The following CDH7 variants were observed in gnomAD, a reference collection of about 807,000 sequenced individuals.
The protein encoded by CDH7 is cadherin 7, also known as cadherin-7.
CDH7 carries 25 observed loss-of-function variants against 71.8 expected under a neutral mutation model. That is an observed-to-expected ratio of 0.35 (90% CI 0.25 to 0.49). CDH7 has a LOEUF of 0.49. CDH7 is among the 20% of genes least tolerant of loss of function. The pLI, the probability that CDH7 is intolerant of heterozygous loss-of-function variation, is 0.99. For missense variants in CDH7, 862 were observed against 974.6 expected, an observed-to-expected ratio of 0.88 and a Z score of 1.54; for synonymous variants, 381 against 363.8, an observed-to-expected ratio of 1.05 and a Z score of -0.54.
intron 3 of CDH7, among the ~76,000 whole-genome samples, chr18:65,812,612 T>TA (rs1329962288): frequency 1.3e-5 from 2 of 152,232 alleles, no homozygotes; most frequent in East Asian, 3.9e-4. Context: ...TTAAACACAC[T>TA]AGTAAGCCTT....
chr18:65,853,922 T>TATATATATATATATCC (rs1555689485), intron 7 of CDH7, among the ~76,000 whole-genome samples: 40 of 75,794 alleles, frequency 5.3e-4, no homozygotes, highest in African/African-American at 2.4e-3. Context: ...TATATATATA[T>TATATATATATATATCC]ATATATATAT....
At chr18:65,774,767 C>G (rs1568177723) in intron 2 of CDH7, among the ~76,000 whole-genome samples, 1 of 152,202 alleles carries the variant, frequency 6.6e-6, no homozygotes, top group Non-Finnish European at 1.5e-5. Context: ...GTTATACCCC[C>G]CTGATGATGC....
chr18:65,769,743 T>G (rs980086763), intron 2 of CDH7, among the ~76,000 whole-genome samples: 1 of 152,178 alleles, frequency 6.6e-6, no homozygotes, highest in African/African-American at 2.4e-5. Flanking sequence ...GGGTAGAACA[T>G]TTTATAATAT....
At position 65,843,733 on chromosome 18, in the gene CDH7, T is replaced by C. The variant is rs935972689; in HGVS notation, c.982-79T>C. On this transcript the variant is annotated intron_variant, in intron 6 of 11. Coordinates refer to ENST00000397968, the MANE Select transcript of CDH7 (RefSeq NM_004361.5). ...ATGACAGAGTCCTTCCTAAGCTTAT[T>C]GACATTCATAAATGAAAAGGCTCTG... The C allele has an allele frequency of 5.4e-6, 7 of 1,307,238 alleles. No individual in the cohort carries two copies. In the South Asian group the frequency reaches 8.5e-5, roughly 16 times the overall value. The allele number at this position is 1,307,238 out of a possible 1,614,324, so 81.0% of individuals were successfully genotyped here.
chr18:65,782,163 T>TC (rs1910326924), intron 2 of CDH7, among the ~76,000 whole-genome samples: 1 of 115,966 alleles, frequency 8.6e-6, no homozygotes, highest in African/African-American at 4.6e-5. Context: ...TCTTTCTTTC[T>TC]TCCTTTCTTT....
At chr18:65,756,087 G>A (rs539606149) in intron 1 of CDH7, among the ~76,000 whole-genome samples, 4 of 152,296 alleles carry the variant, frequency 2.6e-5, no homozygotes, top group African/African-American at 9.6e-5. Flanking sequence ...GTGGAATGGT[G>A]TCATTTCCAC....
intron 2 of CDH7, among the ~76,000 whole-genome samples, chr18:65,783,921 G>C (rs1486182949): frequency 6.6e-6 from 1 of 151,782 alleles, no homozygotes; most frequent in African/African-American, 2.4e-5. Context: ...AGAAATAAAG[G>C]CTGTCAATGG....
At chr18:65,858,450 A>G (rs1220935266) in intron 8 of CDH7, among the ~76,000 whole-genome samples, 2 of 152,048 alleles carry the variant, frequency 1.3e-5, no homozygotes, top group African/African-American at 4.8e-5. Context: ...ATGCATTTAT[A>G]ATACATGTGT....
At chr18:65,849,556 G>A (rs1913072853) in intron 7 of CDH7, among the ~76,000 whole-genome samples, 1 of 151,376 alleles carries the variant, frequency 6.6e-6, no homozygotes. Context: ...GGCATTACAG[G>A]CATCCGCCAC....
Position 65,859,634 on chromosome 18 carries a change from T to A in CDH7, c.1495-74T>A, listed in dbSNP as rs182667901. On this transcript the variant is annotated intron_variant, in intron 9 of 11. Coordinates refer to ENST00000397968, the MANE Select transcript of CDH7 (RefSeq NM_004361.5). ...ATGGTATTTATTATAAAGTGTAAAATTGCTTTGTCCTGCCACAGAAAACTA... is the reference window on the plus strand; with the variant it reads ...ATGGTATTTATTATAAAGTGTAAAAATGCTTTGTCCTGCCACAGAAAACTA... 30 of 848,000 alleles carry A rather than the reference T, an allele frequency of 3.5e-5. No homozygotes were observed. The African/African-American group carries it at 4.2e-4, about 12-fold the overall frequency. The allele number at this position is 848,000 out of a possible 1,614,324, so 52.5% of individuals were successfully genotyped here. A position where few individuals can be genotyped will look rare whatever the true frequency, so the allele number is the denominator to read the frequency against.
intron 5 of CDH7, 112 bp downstream of exon 5, chr18:65,822,360 C>A (rs1020439014): frequency 1.5e-4 from 120 of 777,928 alleles, no homozygotes; most frequent in Middle Eastern, 1.0e-3. Context: ...AATTGTCTTA[C>A]TTCATTCTCT....
Position 65,883,079 on chromosome 18 carries a change from A to G in CDH7, c.*2185A>G, listed in dbSNP as rs1047655671. 3 of 152,024 alleles carry G rather than the reference A, an allele frequency of 2.0e-5. No homozygotes were observed. Among genetic ancestry groups the G allele is most frequent in the Non-Finnish European group, 2.9e-5 (2 of 67,950 alleles). 9.4% of individuals were successfully genotyped at this position (152,024 alleles called of 1,614,324 possible). On this transcript the variant is annotated 3_prime_UTR_variant, in exon 12 of 12. Coordinates refer to ENST00000397968, the MANE Select transcript of CDH7 (RefSeq NM_004361.5). ...TTTAAAATGTGTGTTTTTTCTCATT[A>G]ATTTTTTCAAATGGTTACCAATGAT...
rs180736216 is a variant in CDH7, at chr18:65,880,495, C to T, written c.1959C>T (p.Tyr653=). 187 of 1,606,310 alleles carry T rather than the reference C, an allele frequency of 1.2e-4. No homozygotes were observed. Among genetic ancestry groups the T allele is most frequent in the East Asian group, 3.1e-4 (14 of 44,834 alleles). Residue 653 remains tyrosine (Y), a synonymous_variant, in exon 12 of 12, where the codon TAC becomes TAT. Coordinates refer to ENST00000397968, the MANE Select transcript of CDH7 (RefSeq NM_004361.5). ...ERDIRENIVR[Y]DDEGGGEEDT... Reference sequence around the variant, plus strand: ...ACATCAGAGAAAATATTGTGAGATACGATGACGAGGGCGGGGGAGAGGAGG... The same window carrying T: ...ACATCAGAGAAAATATTGTGAGATATGATGACGAGGGCGGGGGAGAGGAGG...
chr18:65,804,890 G>A (rs1911260171), intron 2 of CDH7, among the ~76,000 whole-genome samples: 2 of 152,140 alleles, frequency 1.3e-5, no homozygotes, highest in South Asian at 4.1e-4. Context: ...GAGCAACAAA[G>A]CAAGGCATCT....
rs1568182466 is a variant in CDH7, at chr18:65,782,099, CTTCCTTCCTTCTTTCT to C, written c.210+19051_210+19066del. Among the ~76,000 whole-genome samples the C allele has an allele frequency of 1.3e-4, 5 of 38,284 alleles. No individual in the cohort carries two copies. The East Asian group carries it at 1.6e-3, about 12-fold the overall frequency. The allele number at this position is 38,284 out of a possible 152,430, so 25.1% of individuals were successfully genotyped here. A position where few individuals can be genotyped will look rare whatever the true frequency, so the allele number is the denominator to read the frequency against. On this transcript the variant is annotated intron_variant, in intron 2 of 11. Transcript: ENST00000397968. ...CTTTCTTTCCTTCCTTCCTTCCTTC[CTTCCTTCCTTCTTTCT>C]TTCTTTCTTTCTTTCTTTCTTTCTT...
At chr18:65,846,049 T>C (rs1357806064) in intron 7 of CDH7, among the ~76,000 whole-genome samples, 1 of 152,186 alleles carries the variant, frequency 6.6e-6, no homozygotes, top group Non-Finnish European at 1.5e-5. Flanking sequence ...GTTGTCATTC[T>C]GTTGAAGCCT....
At chr18:65,814,380 A>C in intron 3 of CDH7, 105 bp from the exon 4 acceptor site, 1 of 1,317,120 alleles carries the variant, frequency 7.6e-7, no homozygotes, top group Non-Finnish European at 1.1e-6. Flanking sequence ...AAGATAAATG[A>C]AAATTTTCAA....
At chr18:65,807,202 G>T (rs1459097614) in intron 2 of CDH7, among the ~76,000 whole-genome samples, 1 of 152,100 alleles carries the variant, frequency 6.6e-6, no homozygotes, top group Non-Finnish European at 1.5e-5. Flanking sequence ...AAACTTTTAA[G>T]TTCTGATGCT....
intron 11 of CDH7, among the ~76,000 whole-genome samples, chr18:65,867,862 A>G (rs1212587396): frequency 6.6e-6 from 1 of 152,200 alleles, no homozygotes; most frequent in Non-Finnish European, 1.5e-5. Flanking sequence ...TGTTTACTGC[A>G]TGGGATTCGG....
Sources: gnomAD v4.1 joint callset for allele counts (sites outside exome capture counted in the v4.1 genomes callset) on GRCh38, gnomAD v4.1.1 for gene constraint, MANE v1.5 for transcripts, NCBI Gene and HGNC (gene_info 2026-07-23, HGNC 2026-07-21) for gene names.